TXNRD2: variants seen among roughly 807,000 people sequenced by gnomAD.
The protein encoded by TXNRD2 is thioredoxin reductase 2, mitochondrial.
A neutral mutation model predicts 70.8 loss-of-function variants in TXNRD2; 67 were observed. The ratio of observed to expected loss-of-function variants is 0.95; its 90% confidence interval spans 0.78 to 1.16. TXNRD2 has a LOEUF of 1.16. Ranked by LOEUF, TXNRD2 falls within the 50% of genes most tolerant of loss-of-function variation. The pLI, the probability that TXNRD2 is intolerant of heterozygous loss-of-function variation, is 0.00. For missense variants in TXNRD2, 644 were observed against 719.9 expected (o/e 0.89, Z 1.21); for synonymous variants, 301 against 295.8 (o/e 1.02, Z -0.18).
intron 5 of TXNRD2, among the ~76,000 whole-genome samples, chr22:19,916,540 C>T (rs916791088): frequency 6.6e-6 from 1 of 152,076 alleles, no homozygotes; most frequent in Non-Finnish European, 1.5e-5. Context: ...CGGGGTTTCG[C>T]CATGTTGGCC....
At chr22:19,903,970 C>T (rs1054146445) in intron 8 of TXNRD2, among the ~76,000 whole-genome samples, 3 of 152,256 alleles carry the variant, frequency 2.0e-5, no homozygotes, top group Non-Finnish European at 4.4e-5. Flanking sequence ...TCTTCTTCAA[C>T]CTGTCTTGCA....
chr22:19,900,526 A>C (rs952498956), intron 8 of TXNRD2, among the ~76,000 whole-genome samples: 7 of 152,190 alleles, frequency 4.6e-5, no homozygotes, highest in African/African-American at 1.4e-4. Flanking sequence ...CGAAGCAGGC[A>C]GATCACGAGG....
At chr22:19,876,789 T>G in intron 17 of TXNRD2, 1 of 252,320 alleles carries the variant, frequency 4.0e-6, no homozygotes, top group Non-Finnish European at 7.6e-6. Flanking sequence ...GAGCCCCGTT[T>G]CTTGATACCT....
At chr22:19,915,418 C>T (rs750715746) in intron 6 of TXNRD2, 142 bp from the exon 7 acceptor site, 188 of 847,102 alleles carry the variant, frequency 2.2e-4, no homozygotes, top group East Asian at 1.8e-3. Context: ...AGTTCAGAGG[C>T]CCTATGGAGC....
chr22:19,935,377 T>A (rs560004323), intron 1 of TXNRD2, among the ~76,000 whole-genome samples: 107 of 152,264 alleles, frequency 7.0e-4, no homozygotes, highest in African/African-American at 2.5e-3. Flanking sequence ...GTCAGACTGG[T>A]TCTCTGCTCT....
chr22:19,933,105 C>A (rs1409807886), intron 1 of TXNRD2, among the ~76,000 whole-genome samples: 1 of 152,242 alleles, frequency 6.6e-6, no homozygotes, highest in Non-Finnish European at 1.5e-5. Context: ...GCCTGCCCCA[C>A]AACCAAACCC....
intron 8 of TXNRD2, among the ~76,000 whole-genome samples, chr22:19,903,638 G>A (rs1227301648): frequency 6.6e-6 from 1 of 152,214 alleles, no homozygotes; most frequent in Non-Finnish European, 1.5e-5. Flanking sequence ...TTGGAGCTCA[G>A]CTCCTTGGCC....
chr22:19,935,993 G>A (rs1941526158), intron 1 of TXNRD2, among the ~76,000 whole-genome samples: 1 of 152,150 alleles, frequency 6.6e-6, no homozygotes, highest in Admixed American at 6.5e-5. Context: ...TGTTAAAATG[G>A]GGGAGTTCGG....
chr22:19,941,314 C>A (rs1427501019), intron 1 of TXNRD2, among the ~76,000 whole-genome samples: 1 of 152,154 alleles, frequency 6.6e-6, no homozygotes, highest in Non-Finnish European at 1.5e-5. Flanking sequence ...TGTGCAGCCT[C>A]TAACCTCTAG....
intron 17 of TXNRD2, 68 bp downstream of exon 17, chr22:19,876,972 C>G (rs969530872): frequency 2.5e-6 from 3 of 1,181,066 alleles, no homozygotes; most frequent in Admixed American, 5.4e-5. Context: ...GGAGGGAGCC[C>G]ATGGCCAGGG....
intron 2 of TXNRD2, among the ~76,000 whole-genome samples, chr22:19,920,511 A>C (rs1940857548): frequency 6.6e-6 from 1 of 152,094 alleles, no homozygotes; most frequent in East Asian, 1.9e-4. Flanking sequence ...TGAGCCCAAG[A>C]GGCAGAGGCT....
chr22:19,904,594 G>A (rs1447890994), intron 8 of TXNRD2, among the ~76,000 whole-genome samples: 1 of 152,222 alleles, frequency 6.6e-6, no homozygotes, highest in Non-Finnish European at 1.5e-5. Context: ...TGGAGCTCCC[G>A]GCAGTGGGCC....
At chr22:19,895,084 G>A (rs1364626498) in intron 11 of TXNRD2, 1 of 1,596,692 alleles carries the variant, frequency 6.3e-7, no homozygotes, top group Non-Finnish European at 8.5e-7. Flanking sequence ...GGGAAGGCGA[G>A]GATGATTGCC....
At chr22:19,925,143 G>C (rs1249768067) in intron 2 of TXNRD2, among the ~76,000 whole-genome samples, 1 of 151,810 alleles carries the variant, frequency 6.6e-6, no homozygotes, top group Non-Finnish European at 1.5e-5. Flanking sequence ...AATTAGACGG[G>C]CATGGTGGCA....
chr22:19,889,677 T>C (rs916485263), intron 11 of TXNRD2, among the ~76,000 whole-genome samples: 4 of 152,074 alleles, frequency 2.6e-5, no homozygotes, highest in Middle Eastern at 3.2e-3. Context: ...GGTTTCACTC[T>C]GTTGCTCAGG....
chr22:19,884,813 T>G lies in TXNRD2; in HGVS notation c.950-1352A>C, dbSNP rs1311179542. On this transcript the variant is annotated intron_variant, in intron 11 of 17. Transcript: ENST00000400521. ...AAAGCAAGCCCCCGTAACCCGCTAG[T>G]AGAGGGCCAGGTGAGCAGAGCTAGC... Among the ~76,000 whole-genome samples the G allele has an allele frequency of 3.3e-5, 5 of 152,236 alleles. No individual in the cohort carries two copies. In the East Asian group the frequency reaches 9.7e-4, roughly 29 times the overall value.
chr22:19,906,359 G>A (rs913615122), intron 8 of TXNRD2, among the ~76,000 whole-genome samples: 8 of 152,180 alleles, frequency 5.3e-5, no homozygotes, highest in African/African-American at 1.4e-4. Flanking sequence ...TCTGGGTGCC[G>A]TAGCTCACAC....
rs560324097 is a variant in TXNRD2, at chr22:19,915,166, C to T, written c.591+48G>A. Reference sequence around the variant, plus strand: ...GTAAAAACGTATCCCTCAAAGAGGCCGGGAATGGGCCACGGCAGCAGGGAC... The same window carrying T: ...GTAAAAACGTATCCCTCAAAGAGGCTGGGAATGGGCCACGGCAGCAGGGAC... On this transcript the variant is annotated intron_variant, in intron 7 of 17. Transcript: ENST00000400521. 93 of 1,593,408 alleles carry T rather than the reference C, an allele frequency of 5.8e-5. 1 individual carries two copies. In the East Asian group the frequency reaches 1.3e-3, roughly 22 times the overall value.
chr22:19,923,826 T>C (rs1055402785), intron 2 of TXNRD2, among the ~76,000 whole-genome samples: 7 of 142,800 alleles, frequency 4.9e-5, no homozygotes, highest in African/African-American at 1.8e-4. Flanking sequence ...AACACAGCAT[T>C]CACTGAAACC....
Sources: allele counts gnomAD v4.1 joint callset (sites outside exome capture counted in the v4.1 genomes callset), GRCh38; gene constraint gnomAD v4.1.1; transcripts MANE v1.5; gene names NCBI Gene and HGNC (gene_info 2026-07-23, HGNC 2026-07-21).